The following ARHGAP24 variants were observed in gnomAD, a reference collection of about 807,000 sequenced individuals.
ARHGAP24 encodes the protein rho GTPase-activating protein 24.
ARHGAP24 carries 50 observed loss-of-function variants against 76.4 expected under a neutral mutation model. The observed-to-expected ratio is 0.65, with a 90% CI of 0.52 to 0.83. The LOEUF is 0.83. Ranked by LOEUF, ARHGAP24 falls within the 40% of genes least tolerant of loss-of-function variation. The pLI, the probability that ARHGAP24 is intolerant of heterozygous loss-of-function variation, is 0.00. For missense variants in ARHGAP24, 930 were observed against 914.2 expected (o/e 1.02, Z -0.22); for synonymous variants, 345 against 323.3 (o/e 1.07, Z -0.72).
intron 1 of ARHGAP24, among the ~76,000 whole-genome samples, chr4:85,500,917 G>C (rs1172937511): frequency 7.4e-6 from 1 of 134,674 alleles, no homozygotes; most frequent in African/African-American, 2.8e-5. Context: ...TCCCCACCCA[G>C]TGTCCAAGTG....
Position 85,973,833 on chromosome 4 carries a change from G to GTTTTTTTTT in ARHGAP24, c.733-1036_733-1028dup, listed in dbSNP as rs1199796194. 3.5e-3 allele frequency among the ~76,000 whole-genome samples: 150 copies of GTTTTTTTTT among 42,800 alleles called. 34 individuals carry two copies. The highest frequency in any genetic ancestry group is 5.4e-3 in the South Asian group (5 of 926). The allele number at this position is 42,800 out of a possible 152,430, so 28.1% of individuals were successfully genotyped here. On this transcript the variant is annotated intron_variant, in intron 6 of 9. Transcript: ENST00000395184. ...CTCATGTCAAAAACTGCTGCCTATT[G>GTTTTTTTTT]TTTTTTTTTTTTTTTTTTTTTTTTT...
At chr4:85,799,110 A>G (rs965445779) in intron 3 of ARHGAP24, among the ~76,000 whole-genome samples, 16 of 152,210 alleles carry the variant, frequency 1.1e-4, no homozygotes, top group Non-Finnish European at 2.1e-4. Context: ...TAACATGCAT[A>G]TATTTCCTAG....
At chr4:85,900,375 A>G (rs1734424726) in intron 3 of ARHGAP24, among the ~76,000 whole-genome samples, 1 of 152,204 alleles carries the variant, frequency 6.6e-6, no homozygotes, top group Non-Finnish European at 1.5e-5. Flanking sequence ...AGGAAAAACT[A>G]AGTAATATAC....
intron 3 of ARHGAP24, among the ~76,000 whole-genome samples, chr4:85,849,322 G>A (rs1220430234): frequency 6.6e-6 from 1 of 151,264 alleles, no homozygotes; most frequent in Non-Finnish European, 1.5e-5. Flanking sequence ...TGCTGAAGTT[G>A]CTTATCAGCT....
intron 3 of ARHGAP24, among the ~76,000 whole-genome samples, chr4:85,842,424 T>C (rs771520053): frequency 1.3e-5 from 2 of 152,198 alleles, no homozygotes; most frequent in African/African-American, 2.4e-5. Context: ...ATTATGTGTA[T>C]CATAGTACTG....
At chr4:85,734,459 A>G (rs1027190587) in intron 3 of ARHGAP24, among the ~76,000 whole-genome samples, 1 of 152,096 alleles carries the variant, frequency 6.6e-6, no homozygotes, top group Admixed American at 6.6e-5. Flanking sequence ...ACTGTTATGC[A>G]TCTAGACAGA....
At chr4:85,604,369 CA>C (rs375728733) in intron 2 of ARHGAP24, 75 of 152,218 alleles carry the variant, frequency 4.9e-4, no homozygotes, top group African/African-American at 1.6e-3. Context: ...GTTCAATAAA[CA>C]AATGAAAAAT....
At chr4:85,738,402 TATC>T (rs1553926313) in intron 3 of ARHGAP24, among the ~76,000 whole-genome samples, 76 of 139,738 alleles carry the variant, frequency 5.4e-4, no homozygotes, top group African/African-American at 1.7e-3. Context: ...TTATTATTAT[TATC>T]ATTATTATTA....
rs74727754 is a variant in ARHGAP24, at chr4:85,679,092, G to A, written c.181-42793G>A. Among the ~76,000 whole-genome samples, 1,018 of 152,256 alleles carry A rather than the reference G, an allele frequency of 6.7e-3. 15 individuals carry two copies. Among genetic ancestry groups the A allele is most frequent in the African/African-American group, 0.024 (982 of 41,542 alleles). On this transcript the variant is annotated intron_variant, in intron 2 of 9. Transcript: ENST00000395184. Reference sequence around the variant, plus strand: ...CATCTTGAGGTTACAGAAAGAATAGGGGAGCTTAGAGCATGGCAAGACAAG... The same window carrying A: ...CATCTTGAGGTTACAGAAAGAATAGAGGAGCTTAGAGCATGGCAAGACAAG...
chr4:85,884,674 G>A (rs1052079456), intron 3 of ARHGAP24, among the ~76,000 whole-genome samples: 3 of 152,026 alleles, frequency 2.0e-5, no homozygotes, highest in African/African-American at 7.3e-5. Flanking sequence ...AGATTGAATC[G>A]GAAACTATCA....
chr4:85,621,026 G>A (rs1380738863), intron 2 of ARHGAP24, among the ~76,000 whole-genome samples: 2 of 152,008 alleles, frequency 1.3e-5, no homozygotes, highest in African/African-American at 4.8e-5. Context: ...GTGGGAACAT[G>A]CAGTATTTGG....
intron 2 of ARHGAP24, among the ~76,000 whole-genome samples, chr4:85,578,566 T>G (rs1727481910): frequency 6.6e-6 from 1 of 152,334 alleles, no homozygotes; most frequent in African/African-American, 2.4e-5. Context: ...CAGTCTAGAC[T>G]CACTACCAGC....
At chr4:85,548,097 T>A (rs1454003784) in intron 1 of ARHGAP24, among the ~76,000 whole-genome samples, 2 of 152,208 alleles carry the variant, frequency 1.3e-5, no homozygotes, top group Non-Finnish European at 2.9e-5. Context: ...ATGCTCAAAT[T>A]TTCCCAGATT....
At chr4:85,943,003 C>T (rs1265336333) in intron 5 of ARHGAP24, among the ~76,000 whole-genome samples, 1 of 151,892 alleles carries the variant, frequency 6.6e-6, no homozygotes, top group African/African-American at 2.4e-5. Flanking sequence ...AACATTTTAC[C>T]ATTAACAACT....
rs184132836 is a variant in ARHGAP24 at position 85,950,931 on chromosome 4, G to A, written c.599+8658G>A. Reference sequence around the variant, plus strand: ...TGACCTCAGGTGATCCACCCACCTCGGCCTCCCAAAGTGCTAGGATTAACA... The same window carrying A: ...TGACCTCAGGTGATCCACCCACCTCAGCCTCCCAAAGTGCTAGGATTAACA... On this transcript the variant is annotated intron_variant, in intron 5 of 9. Transcript: ENST00000395184. Among the ~76,000 whole-genome samples the A allele has an allele frequency of 2.8e-3, 428 of 152,070 alleles. 4 individuals carry two copies. Among genetic ancestry groups the A allele is most frequent in the Middle Eastern group, 0.01 (3 of 294 alleles).
intron 2 of ARHGAP24, among the ~76,000 whole-genome samples, chr4:85,666,748 G>T (rs906519142): frequency 1.3e-5 from 2 of 152,182 alleles, no homozygotes; most frequent in Non-Finnish European, 2.9e-5. Flanking sequence ...GTTGGAGTTT[G>T]CTAGAGGTCC....
chr4:85,584,991 G>C (rs1344902941), intron 2 of ARHGAP24, among the ~76,000 whole-genome samples: 1 of 152,172 alleles, frequency 6.6e-6, no homozygotes, highest in East Asian at 1.9e-4. Flanking sequence ...CTCAAAGAGT[G>C]TGTATGCAAG....
At chr4:85,606,544 A>G (rs554842379) in intron 2 of ARHGAP24, among the ~76,000 whole-genome samples, 20 of 151,888 alleles carry the variant, frequency 1.3e-4, no homozygotes, top group Non-Finnish European at 2.6e-4. Context: ...AAAGGATAAG[A>G]TAAAGATTTT....
At chr4:85,668,024 T>C (rs1479972669) in intron 2 of ARHGAP24, among the ~76,000 whole-genome samples, 1 of 152,152 alleles carries the variant, frequency 6.6e-6, no homozygotes, top group Non-Finnish European at 1.5e-5. Context: ...GTCTTGTAAA[T>C]GTAGAAAAGT....
Sources: allele counts gnomAD v4.1 joint callset (sites outside exome capture counted in the v4.1 genomes callset), GRCh38; gene constraint gnomAD v4.1.1; transcripts MANE v1.5; gene names NCBI Gene and HGNC (gene_info 2026-07-23, HGNC 2026-07-21).